NAA25: variants seen among roughly 807,000 people sequenced by gnomAD.
The protein encoded by NAA25 is N-terminal acetyltransferase B complex subunit NAA25.
In NAA25, 30 loss-of-function variants were observed where a neutral mutation model predicts 132.5. The ratio of observed to expected loss-of-function variants is 0.23; its 90% CI spans 0.17 to 0.31. The LOEUF is 0.31. Among genes scored for constraint, NAA25 ranks in the 10% least tolerant of loss-of-function variants. NAA25 has a pLI of 1.00. For missense variants in NAA25, 771 were observed against 1,150.4 expected, an observed-to-expected ratio of 0.67 and a Z score of 4.77; for synonymous variants, 359 against 401.9, an observed-to-expected ratio of 0.89 and a Z score of 1.28.
intron 10 of NAA25, among the ~76,000 whole-genome samples, chr12:112,070,007 A>G (rs2078782327): frequency 6.6e-6 from 1 of 152,102 alleles, no homozygotes; most frequent in African/African-American, 2.4e-5. Flanking sequence ...GATCGCCTGT[A>G]ATCCCAGCTA....
intron 13 of NAA25, among the ~76,000 whole-genome samples, chr12:112,058,583 A>T (rs1237490296): frequency 1.3e-5 from 2 of 152,150 alleles, no homozygotes; most frequent in Non-Finnish European, 2.9e-5. Flanking sequence ...GCAGCCTTGA[A>T]CTACTGGGCT....
intron 1 of NAA25, among the ~76,000 whole-genome samples, chr12:112,106,282 C>G (rs2079360477): frequency 6.6e-6 from 1 of 152,000 alleles, no homozygotes; most frequent in Non-Finnish European, 1.5e-5. Context: ...ATTAGACAGT[C>G]AAAACACTAT....
chr12:112,055,443 C>T (rs1464852170), intron 13 of NAA25, among the ~76,000 whole-genome samples: 1 of 152,088 alleles, frequency 6.6e-6, no homozygotes, highest in Non-Finnish European at 1.5e-5. Flanking sequence ...GCCTATACTC[C>T]CAGCACTTTG....
intron 11 of NAA25, among the ~76,000 whole-genome samples, chr12:112,063,466 A>C (rs1366654942): frequency 6.6e-6 from 1 of 152,188 alleles, no homozygotes; most frequent in Non-Finnish European, 1.5e-5. Context: ...CAGGGGAATA[A>C]AGTAAAATTT....
intron 11 of NAA25, among the ~76,000 whole-genome samples, chr12:112,066,814 C>A (rs549333742): frequency 1.3e-5 from 2 of 152,260 alleles, no homozygotes; most frequent in African/African-American, 4.8e-5. Context: ...GCTCTATCTG[C>A]CCAAATGTGT....
At chr12:112,074,588 AAG>A (rs1379525558) in intron 9 of NAA25, 85 bp downstream of exon 9, 4 of 699,004 alleles carry the variant, frequency 5.7e-6, no homozygotes, top group South Asian at 5.2e-5. Context: ...GAGACAGAAA[AAG>A]AGAATTCAAT....
intron 1 of NAA25, among the ~76,000 whole-genome samples, chr12:112,097,017 C>T (rs1233034569): frequency 6.6e-6 from 1 of 152,112 alleles, no homozygotes; most frequent in Non-Finnish European, 1.5e-5. Flanking sequence ...TTGCCCATGC[C>T]CTCTTGTCTG....
At chr12:112,072,930 C>T (rs935186420) in intron 9 of NAA25, among the ~76,000 whole-genome samples, 2 of 151,596 alleles carry the variant, frequency 1.3e-5, no homozygotes, top group South Asian at 2.1e-4. Context: ...CAGAGCAAGA[C>T]CCCATCTCAA....
chr12:112,052,563 G>A (rs1225798040), intron 15 of NAA25, among the ~76,000 whole-genome samples: 1 of 152,142 alleles, frequency 6.6e-6, no homozygotes, highest in African/African-American at 2.4e-5. Context: ...TTGTCAGAAT[G>A]TAATTATCAT....
chr12:112,086,943 G>T (rs2079066701), intron 4 of NAA25, among the ~76,000 whole-genome samples: 1 of 149,846 alleles, frequency 6.7e-6, no homozygotes. Context: ...AGGAGGCAGA[G>T]GTTGCAGTGA....
intron 11 of NAA25, chr12:112,065,487 G>A (rs1195183368): frequency 4.0e-5 from 6 of 148,256 alleles, no homozygotes; most frequent in South Asian, 2.1e-4. Context: ...CAACAAGAAC[G>A]AAACTGTCTC....
chr12:112,097,991 C>A (rs1282500925), intron 1 of NAA25, among the ~76,000 whole-genome samples: 1 of 151,640 alleles, frequency 6.6e-6, no homozygotes, highest in Admixed American at 6.6e-5. Context: ...CTTGGTGGCG[C>A]ACGCCTGTAA....
At chr12:112,046,042 G>C (rs893319294) in intron 17 of NAA25, among the ~76,000 whole-genome samples, 3 of 152,192 alleles carry the variant, frequency 2.0e-5, no homozygotes, top group Non-Finnish European at 4.4e-5. Flanking sequence ...AGGCCTACTT[G>C]CAAGGTTGGC....
At chr12:112,063,459 G>A (rs544330501) in intron 11 of NAA25, among the ~76,000 whole-genome samples, 12 of 152,260 alleles carry the variant, frequency 7.9e-5, no homozygotes, top group African/African-American at 2.6e-4. Context: ...CTGAAAACAG[G>A]GGAATAAAGT....
chr12:112,054,400 T>A lies in NAA25; in HGVS notation c.1616A>T (p.His539Leu). The change falls in exon 14 of 24, where the codon CAT becomes CTT. Residue 539 changes from histidine (H) to leucine (L), a missense_variant. Coordinates refer to ENST00000261745, the MANE Select transcript of NAA25 (RefSeq NM_024953.4). ...YSSLDAKHIQ[H>L]DTIGYLLTRY... ...ATATACTACCAACCCAATGGTATCA[T>A]GCTGGATATGCTTAGCATCGAGGCT... The A allele has an allele frequency of 1.2e-6, 2 of 1,614,078 alleles. No individual in the cohort carries two copies. Among genetic ancestry groups the A allele is most frequent in the Non-Finnish European group, 1.7e-6 (2 of 1,179,928 alleles).
chr12:112,095,594 C>CA (rs1309154569), intron 1 of NAA25, among the ~76,000 whole-genome samples: 79 of 51,434 alleles, frequency 1.5e-3, no homozygotes, highest in Admixed American at 1.8e-3. Flanking sequence ...GACCTTGTCT[C>CA]AAAAAAAAAA....
chr12:112,061,843 C>T (rs2078634596), intron 11 of NAA25, among the ~76,000 whole-genome samples: 1 of 152,040 alleles, frequency 6.6e-6, no homozygotes, highest in African/African-American at 2.4e-5. Context: ...ATACTGTTTA[C>T]CTTATGTCAG....
chr12:112,043,389 CTAGCTATTAAA>C (rs1204491365), intron 18 of NAA25, among the ~76,000 whole-genome samples, 178 bp from the exon 19 acceptor site: 2 of 152,132 alleles, frequency 1.3e-5, no homozygotes, highest in Non-Finnish European at 2.9e-5. Flanking sequence ...TAATTTGTTG[CTAGCTATTAAA>C]AACTTAACAC....
intron 19 of NAA25, among the ~76,000 whole-genome samples, chr12:112,042,652 G>A (rs1178729589): frequency 2.6e-5 from 4 of 152,002 alleles, no homozygotes; most frequent in Admixed American, 2.6e-4. Flanking sequence ...GACTACAGGC[G>A]CCCGCCACCT....
Sources: allele counts gnomAD v4.1 joint callset (sites outside exome capture counted in the v4.1 genomes callset), GRCh38; gene constraint gnomAD v4.1.1; transcripts MANE v1.5; gene names NCBI Gene and HGNC (gene_info 2026-07-23, HGNC 2026-07-21).